The following PIGK variants were observed in gnomAD, a reference collection of about 807,000 sequenced individuals.
The protein encoded by PIGK is phosphatidylinositol glycan anchor biosynthesis class K, also known as GPI-anchor transamidase.
In PIGK, 42 loss-of-function variants were observed where a neutral mutation model predicts 50.6. The observed-to-expected ratio is 0.83, with a 90% CI of 0.65 to 1.07. The LOEUF is 1.07. Ranked by LOEUF, PIGK falls within the 50% of genes least tolerant of loss-of-function variation. The pLI is 0.00. For synonymous variants in PIGK, 151 were observed against 156.0 expected (o/e 0.97, Z 0.24); for missense variants, 448 against 488.7 (o/e 0.92, Z 0.78).
At chr1:77,159,754 G>A (rs1273764963) in intron 8 of PIGK, among the ~76,000 whole-genome samples, 1 of 152,170 alleles carries the variant, frequency 6.6e-6, no homozygotes, top group Non-Finnish European at 1.5e-5. Context: ...AAGTGGAACA[G>A]GTGTATTTAC....
At chr1:77,149,016 T>C (rs1172268964) in intron 9 of PIGK, among the ~76,000 whole-genome samples, 5 of 152,056 alleles carry the variant, frequency 3.3e-5, no homozygotes, top group East Asian at 3.9e-4. Flanking sequence ...CGCCCAGCCA[T>C]ATCAGTTTTA....
At chr1:77,148,360 C>A (rs182730483) in intron 9 of PIGK, among the ~76,000 whole-genome samples, 1 of 152,220 alleles carries the variant, frequency 6.6e-6, no homozygotes, top group Admixed American at 6.5e-5. Context: ...TAAATAGCAA[C>A]ATTGTAAATA....
chr1:77,164,766 C>T (rs539655391), intron 5 of PIGK, among the ~76,000 whole-genome samples: 1 of 151,804 alleles, frequency 6.6e-6, no homozygotes, highest in African/African-American at 2.4e-5. Flanking sequence ...CACTATACAA[C>T]CCACACAACC....
At chr1:77,195,259 G>C (rs2100578808) in intron 3 of PIGK, 1 of 1,305,328 alleles carries the variant, frequency 7.7e-7, no homozygotes, top group Non-Finnish European at 1.1e-6. Context: ...GGAGACCTTG[G>C]GGCCCAGGGT....
Position 77,219,316 on chromosome 1 carries a change from A to G in PIGK, c.87T>C (p.His29=), listed in dbSNP as rs757227107. 1.9e-6 allele frequency: 3 copies of G among 1,613,220 alleles called. No homozygotes were observed. Among genetic ancestry groups the G allele is most frequent in the African/African-American group, 2.7e-5 (2 of 75,022 alleles). ...LLSFGSVAAS[H]IEDQAEQFFR... Reference sequence around the variant, plus strand: ...AAATGAGCCTGACTCCTACCTCGATATGACTAGCGGCCACGCTGCCGAAGG... The same window carrying G: ...AAATGAGCCTGACTCCTACCTCGATGTGACTAGCGGCCACGCTGCCGAAGG... Residue 29 remains histidine, a synonymous_variant, in exon 1 of 11, where the codon CAT becomes CAC. Coordinates refer to ENST00000370812, the MANE Select transcript of PIGK (RefSeq NM_005482.3).
rs759667809 is a variant in PIGK, at chr1:77,219,364, G to A, written c.39C>T (p.Val13=). 1.3e-5 allele frequency: 21 copies of A among 1,613,848 alleles called. No individual in the cohort carries two copies. The South Asian group carries it at 2.3e-4, about 18-fold the overall frequency. ...AGGACAAGAGCAACACAGTTGCCAA[G>A]ACAGTCGCAGCCCGGCTGAGGCTGT... ...VTDSLSRAAT[V]LATVLLLSFG... The change falls in exon 1 of 11, where the codon GTC becomes GTT. Residue 13 remains valine (V), a synonymous_variant. Transcript: ENST00000370812.
chr1:77,098,663 T>C (rs982838314), intron 10 of PIGK, among the ~76,000 whole-genome samples: 2 of 152,084 alleles, frequency 1.3e-5, no homozygotes, highest in Non-Finnish European at 2.9e-5. Flanking sequence ...ACAAAAGTTT[T>C]TGGAAAGATC....
intron 3 of PIGK, among the ~76,000 whole-genome samples, chr1:77,202,290 C>T (rs1285006191): frequency 6.6e-6 from 1 of 152,054 alleles, no homozygotes; most frequent in Admixed American, 6.6e-5. Context: ...AGTATAACAT[C>T]CAGCCTTGAA....
intron 9 of PIGK, among the ~76,000 whole-genome samples, chr1:77,143,244 T>C (rs1045073297): frequency 6.6e-6 from 1 of 152,176 alleles, no homozygotes; most frequent in Non-Finnish European, 1.5e-5. Context: ...TAACTTTTTT[T>C]GACCCTTCAA....
chr1:77,169,726 G>A (rs1655318568), intron 3 of PIGK, among the ~76,000 whole-genome samples: 2 of 152,088 alleles, frequency 1.3e-5, no homozygotes, highest in African/African-American at 4.8e-5. Flanking sequence ...ATGTTTTTCT[G>A]AACAATGTAT....
intron 8 of PIGK, among the ~76,000 whole-genome samples, chr1:77,158,792 C>T (rs1290394351): frequency 6.6e-6 from 1 of 152,088 alleles, no homozygotes; most frequent in African/African-American, 2.4e-5. Context: ...TAAAATCATT[C>T]AAGTTTATGT....
chr1:77,138,202 T>G (rs1403824844), intron 9 of PIGK, among the ~76,000 whole-genome samples: 1 of 152,228 alleles, frequency 6.6e-6, no homozygotes, highest in Non-Finnish European at 1.5e-5. Context: ...CAGTTCACAC[T>G]TAGTTAATCA....
intron 3 of PIGK, among the ~76,000 whole-genome samples, chr1:77,186,328 C>T (rs1655740516): frequency 6.6e-6 from 1 of 152,216 alleles, no homozygotes; most frequent in Non-Finnish European, 1.5e-5. Context: ...CCCTGAAGGA[C>T]AGCGGTAAAG....
intron 10 of PIGK, among the ~76,000 whole-genome samples, chr1:77,102,079 G>A (rs562190506): frequency 3.9e-5 from 6 of 152,162 alleles, no homozygotes; most frequent in Non-Finnish European, 8.8e-5. Flanking sequence ...TTTCCAATTG[G>A]GCAAAGTAAC....
rs1233105281 is a variant in PIGK at position 77,090,213 on chromosome 1, A to T, written c.*2161T>A. The T allele has an allele frequency of 6.6e-6, 1 of 152,228 alleles. No individual in the cohort carries two copies. Among genetic ancestry groups the T allele is most frequent in the Non-Finnish European group, 1.5e-5 (1 of 68,038 alleles). 9.4% of individuals were successfully genotyped at this position (152,228 alleles called of 1,614,324 possible). The stretch of plus-strand genomic sequence containing the variant: ...TTTGTGACTCAAGTAGAATATATTT[A>T]AGGATTTGTTTTTATGATACTGTTT... On this transcript the variant is annotated 3_prime_UTR_variant, in exon 11 of 11. Transcript: ENST00000370812.
At chr1:77,124,333 G>A (rs1180794388) in intron 9 of PIGK, among the ~76,000 whole-genome samples, 1 of 152,088 alleles carries the variant, frequency 6.6e-6, no homozygotes. Flanking sequence ...TACAGGCCAG[G>A]CACAGTGGCT....
intron 2 of PIGK, 41 bp downstream of exon 2, chr1:77,210,395 T>A: frequency 8.0e-7 from 1 of 1,243,520 alleles, no homozygotes; most frequent in Non-Finnish European, 1.1e-6. Flanking sequence ...CAGATACATA[T>A]CTAATGTGAA....
chr1:77,175,715 T>C (rs1212315352), intron 3 of PIGK, among the ~76,000 whole-genome samples: 1 of 152,174 alleles, frequency 6.6e-6, no homozygotes, highest in Non-Finnish European at 1.5e-5. Flanking sequence ...AGATTCTGTG[T>C]GTAAACATAT....
chr1:77,145,413 A>G lies in PIGK; in HGVS notation c.986+9036T>C, dbSNP rs538625143. Among the ~76,000 whole-genome samples, 9 of 152,196 alleles carry G rather than the reference A, an allele frequency of 5.9e-5. No homozygotes were observed. In the East Asian group the frequency reaches 1.7e-3, roughly 29 times the overall value. Reference sequence around the variant, plus strand: ...CAGAAAAACAGTCAATATAAAATCAATTGTAATACTTCTGCATTTGAGCAA... The same window carrying G: ...CAGAAAAACAGTCAATATAAAATCAGTTGTAATACTTCTGCATTTGAGCAA... On this transcript the variant is annotated intron_variant, in intron 9 of 10. Coordinates refer to ENST00000370812, the MANE Select transcript of PIGK (RefSeq NM_005482.3).
Sources: gnomAD v4.1 joint callset for allele counts (sites outside exome capture counted in the v4.1 genomes callset) on GRCh38, gnomAD v4.1.1 for gene constraint, MANE v1.5 for transcripts, NCBI Gene and HGNC (gene_info 2026-07-23, HGNC 2026-07-21) for gene names.